Variants in RC3H1 observed in about 807,000 individuals in gnomAD.
The protein encoded by RC3H1 is ring finger and CCCH-type domains 1, also known as roquin-1.
In RC3H1, 50 loss-of-function variants were observed where a neutral mutation model predicts 138.2. The observed-to-expected ratio is 0.36, with a 90% CI of 0.29 to 0.46. The LOEUF is 0.46. RC3H1 is among the 20% of genes least tolerant of loss of function. The pLI is 1.00. For synonymous variants in RC3H1, 462 were observed against 489.1 expected (o/e 0.94, Z 0.73); for missense variants, 1,031 against 1,388.1 (o/e 0.74, Z 4.09).
In RC3H1 at chr1:173,941,277, G is replaced by T; in HGVS notation, c.3239C>A (p.Thr1080Lys). The T allele has an allele frequency of 1.2e-6, 2 of 1,607,094 alleles. No individual in the cohort carries two copies. The highest frequency in any genetic ancestry group is 1.7e-6 in the Non-Finnish European group (2 of 1,173,832). Residue 1080 changes from threonine to lysine, a missense_variant, in exon 19 of 20, where the codon ACA (threonine) becomes AAA (lysine). By Grantham distance (78) the Thr-to-Lys change is moderately conservative (BLOSUM62 -1). This residue lies in a region of RC3H1 where 716 missense variants were observed against 837.9 expected (regional missense o/e 0.85). Transcript: ENST00000367696. ...TCCTTTTCTTTACCTGAATGTCAATGTAAGGTCCTCAGCCGGAACCTTGTT... is the reference window on the plus strand; with the variant it reads ...TCCTTTTCTTTACCTGAATGTCAATTTAAGGTCCTCAGCCGGAACCTTGTT... Reference protein sequence around the residue: ...PQNKVPAEDLTLTFSDVPNGS... With the variant: ...PQNKVPAEDLKLTFSDVPNGS...
chr1:173,955,266 A>T (rs1177330439), intron 13 of RC3H1, among the ~76,000 whole-genome samples: 1 of 83,990 alleles, frequency 1.2e-5, no homozygotes, highest in African/African-American at 2.5e-4. Flanking sequence ...ATCTTCATAC[A>T]ACAACAACAA....
rs146794625 is a variant in RC3H1, at chr1:173,987,762, G to A, written c.232-3143C>T. Among the ~76,000 whole-genome samples the A allele has an allele frequency of 4.1e-4, 62 of 151,956 alleles. No homozygotes were observed. The East Asian group carries it at 8.9e-3, about 22-fold the overall frequency. ...CATTGTAATAACCCGAGATACACACGAGATATCTCGTATATCTATTTCTGT... is the reference window on the plus strand; with the variant it reads ...CATTGTAATAACCCGAGATACACACAAGATATCTCGTATATCTATTTCTGT... On this transcript the variant is annotated intron_variant, in intron 2 of 19. Transcript: ENST00000367696.
rs371487354 is a variant in RC3H1, at chr1:173,970,513, T to C, written c.1326A>G (p.Glu442=). Residue 442 remains glutamate (E), a synonymous_variant, in exon 9 of 20, where the codon GAA becomes GAG. Transcript: ENST00000367696. The stretch of plus-strand genomic sequence containing the variant: ...CTGACTTTCACACTTACTTTTCCAG[T>C]TCCTCCTGTGAGTGTGCAAATGTAC... ...ASCTFAHSQE[E]LEKFRKMNKR... is the part of the protein sequence containing the mutation. 1.7e-5 allele frequency: 27 copies of C among 1,610,192 alleles called. No individual in the cohort carries two copies. Among genetic ancestry groups the C allele is most frequent in the Non-Finnish European group, 2.2e-5 (26 of 1,176,704 alleles).
chr1:174,014,660 T>G (rs749788495), intron 1 of RC3H1, among the ~76,000 whole-genome samples: 1 of 152,198 alleles, frequency 6.6e-6, no homozygotes, highest in Non-Finnish European at 1.5e-5. Flanking sequence ...AGGAGGAAAA[T>G]AACATTCATT....
intron 6 of RC3H1, among the ~76,000 whole-genome samples, chr1:173,980,255 G>GA (rs1209819661): frequency 0.17 from 12,752 of 76,046 alleles, 835 homozygotes; most frequent in East Asian, 0.32. Context: ...TTAGAAATAG[G>GA]AAAAAAAAAA....
chr1:174,012,784 CAAA>C (rs11397475), intron 1 of RC3H1, among the ~76,000 whole-genome samples: 1 of 112,768 alleles, frequency 8.9e-6, no homozygotes. Context: ...GACTCTGTCT[CAAA>C]AAAAAAAAAA....
intron 1 of RC3H1, among the ~76,000 whole-genome samples, chr1:174,010,117 T>G (rs1238354511): frequency 6.6e-6 from 1 of 152,030 alleles, no homozygotes; most frequent in Non-Finnish European, 1.5e-5. Context: ...TAATCATGCC[T>G]GATGTCCTCA....
chr1:174,010,330 A>G (rs1460229107), intron 1 of RC3H1, among the ~76,000 whole-genome samples: 1 of 150,528 alleles, frequency 6.6e-6, no homozygotes, highest in Non-Finnish European at 1.5e-5. Context: ...CCAGTGTCCC[A>G]GAAACTGATA....
chr1:173,985,042 A>G (rs965016718), intron 2 of RC3H1, among the ~76,000 whole-genome samples: 1 of 152,202 alleles, frequency 6.6e-6, no homozygotes, highest in African/African-American at 2.4e-5. Context: ...TATTCTGGAC[A>G]TTTCATATAA....
Position 173,943,455 on chromosome 1 carries a change from C to T in RC3H1, c.3122G>A (p.Arg1041Gln), listed in dbSNP as rs202128105. 72 of 1,613,234 alleles carry T rather than the reference C, an allele frequency of 4.5e-5. No homozygotes were observed. The highest frequency in any genetic ancestry group is 3.3e-5 in the Non-Finnish European group (39 of 1,179,596). Residue 1041 changes from arginine (R) to glutamine (Q), a missense_variant, in exon 18 of 20, where the codon CGG becomes CAG. Arg to Gln is a conservative substitution (Grantham distance 43, BLOSUM62 1). Around this residue, in one of 7 missense-constraint regions of RC3H1, gnomAD observed 716 missense variants for 837.9 expected, o/e 0.85. Coordinates refer to ENST00000367696, the MANE Select transcript of RC3H1 (RefSeq NM_172071.4). The part of the protein sequence containing the change: ...QVEREIGKRT[R>Q]ELSMENQCSL... Reference sequence around the variant, plus strand: ...CATAACACTCACCATACTCAGTTCCCGTGTTCTCTTCCCGATTTCCCTTTC... The same window carrying T: ...CATAACACTCACCATACTCAGTTCCTGTGTTCTCTTCCCGATTTCCCTTTC...
chr1:173,949,612 G>A (rs985145338), intron 14 of RC3H1, among the ~76,000 whole-genome samples: 1 of 151,968 alleles, frequency 6.6e-6, no homozygotes, highest in African/African-American at 2.4e-5. Flanking sequence ...CAAGTGATCC[G>A]CCTGCCTTGG....
intron 7 of RC3H1, 47 bp downstream of exon 7, chr1:173,978,441 C>T (rs548882274): frequency 6.3e-7 from 1 of 1,586,698 alleles, no homozygotes; most frequent in Admixed American, 1.8e-5. Context: ...CATTGAGCAG[C>T]ACGAAAGGCA....
Position 173,969,736 on chromosome 1 carries a change from TA to T in RC3H1, c.1334+768del, listed in dbSNP as rs569499891. ...AAAATAAAATAAAATAAAATAAAAA[TA>T]AAAAAAATTAAGAGGTTTTTCCTTT... On this transcript the variant is annotated intron_variant, in intron 9 of 19. Transcript: ENST00000367696. 3.8e-3 allele frequency among the ~76,000 whole-genome samples: 579 copies of T among 151,154 alleles called. 4 individuals carry two copies. The highest frequency in any genetic ancestry group is 0.012 in the African/African-American group (492 of 41,406).
rs1658595155 is a variant in RC3H1 at position 173,936,594 on chromosome 1, T to A, written c.*2127A>T. 7.0e-6 allele frequency: 1 copy of A among 142,442 alleles called. No individual in the cohort carries two copies. The highest frequency in any genetic ancestry group is 2.2e-4 in the South Asian group (1 of 4,580). 8.8% of individuals were successfully genotyped at this position (142,442 alleles called of 1,614,324 possible). A position where few individuals can be genotyped will look rare whatever the true frequency, so the allele number is the denominator to read the frequency against. On this transcript the variant is annotated 3_prime_UTR_variant, in exon 20 of 20. Coordinates refer to ENST00000367696, the MANE Select transcript of RC3H1 (RefSeq NM_172071.4). ...TACTGTTATGCAGAGAAATGAAAAA[T>A]CTTGGGACTCTGTCAGACATACAAA...
chr1:173,989,726 T>A (rs1445178175), intron 2 of RC3H1, among the ~76,000 whole-genome samples: 1 of 139,968 alleles, frequency 7.1e-6, no homozygotes, highest in East Asian at 2.0e-4. Flanking sequence ...TTTTTTTTTT[T>A]TTTTTTTTTT....
At chr1:173,994,363 G>A (rs1661411339) in intron 1 of RC3H1, among the ~76,000 whole-genome samples, 2 of 152,128 alleles carry the variant, frequency 1.3e-5, no homozygotes, top group African/African-American at 2.4e-5. Context: ...CTGTACTCCT[G>A]CCTGGGCGAC....
intron 14 of RC3H1, among the ~76,000 whole-genome samples, chr1:173,950,414 C>A (rs2102880844): frequency 1.0e-5 from 1 of 97,764 alleles, no homozygotes; most frequent in South Asian, 2.9e-4. Flanking sequence ...AAGACCTCAT[C>A]TCTACCAAAA....
At chr1:174,004,009 A>G (rs368004043) in intron 1 of RC3H1, among the ~76,000 whole-genome samples, 8 of 149,286 alleles carry the variant, frequency 5.4e-5, no homozygotes, top group African/African-American at 1.9e-4. Flanking sequence ...CAGTCACTGA[A>G]GTTTTTTTAA....
At chr1:173,977,838 C>A (rs1018311161) in intron 7 of RC3H1, among the ~76,000 whole-genome samples, 4 of 152,058 alleles carry the variant, frequency 2.6e-5, no homozygotes, top group African/African-American at 7.3e-5. Flanking sequence ...AAGTGCTCAA[C>A]AACATTATCG....
Sources: gnomAD v4.1 joint callset for allele counts (sites outside exome capture counted in the v4.1 genomes callset) on GRCh38, gnomAD v4.1.1 for gene constraint, gnomAD v4.1.1 regional missense constraint, MANE v1.5 for transcripts, NCBI Gene and HGNC (gene_info 2026-07-23, HGNC 2026-07-21) for gene names.